Variants in USP35 observed in about 807,000 individuals in gnomAD.
USP35 encodes the protein ubiquitin carboxyl-terminal hydrolase 35.
In USP35, 69 loss-of-function variants were observed where a neutral mutation model predicts 83.8. That is an observed-to-expected ratio of 0.82 (90% CI 0.68 to 1.01). The LOEUF is 1.01. Ranked by LOEUF, USP35 falls within the 50% of genes least tolerant of loss-of-function variation. The pLI, the probability that USP35 is intolerant of heterozygous loss-of-function variation, is 0.00. For missense variants in USP35, 1,503 were observed against 1,362.5 expected, an observed-to-expected ratio of 1.10 and a Z score of -1.62; for synonymous variants, 714 against 589.5, an observed-to-expected ratio of 1.21 and a Z score of -3.06.
the USP35 span, among the ~76,000 whole-genome samples, chr11:78,236,850 G>A: frequency 6.6e-5 from 10 of 151,772 alleles, no homozygotes; most frequent in African/African-American, 2.4e-4. Flanking sequence ...TACCCCTAAT[G>A]TATACACACA....
In USP35 at chr11:78,204,235, T is replaced by A. The variant is rs143228912; in HGVS notation, c.1198-1607T>A. Among the ~76,000 whole-genome samples, 1,203 of 152,346 alleles carry A rather than the reference T, an allele frequency of 7.9e-3. 13 individuals are homozygous for A. The highest frequency in any genetic ancestry group is 0.027 in the African/African-American group (1,137 of 41,546). On this transcript the variant is annotated intron_variant, in intron 6 of 10. Transcript: ENST00000529308. Reference sequence around the variant, plus strand: ...AAAAGATGGCTTCACATTTGTTCTGTGGCTTCGAACACTCCTGGTACAAGC... The same window carrying A: ...AAAAGATGGCTTCACATTTGTTCTGAGGCTTCGAACACTCCTGGTACAAGC...
rs1396850309 is a variant in USP35, at chr11:78,213,849, G to A, written c.*36G>A. The A allele has an allele frequency of 6.5e-7, 1 of 1,532,068 alleles. No homozygotes were observed. The highest frequency in any genetic ancestry group is 8.7e-7 in the Non-Finnish European group (1 of 1,150,826). 94.9% of individuals were successfully genotyped at this position (1,532,068 alleles called of 1,614,324 possible). On this transcript the variant is annotated 3_prime_UTR_variant, in exon 11 of 11. Coordinates refer to ENST00000529308, the MANE Select transcript of USP35 (RefSeq NM_020798.4). ...CTGCCAACCTGACCCCTTCCCTCCA[G>A]GAGCCAGGTAGGGCCTGAGGGAAGC...
the USP35 span, among the ~76,000 whole-genome samples, chr11:78,222,742 T>C: frequency 6.6e-6 from 1 of 151,782 alleles, no homozygotes; most frequent in Non-Finnish European, 1.5e-5. Context: ...GCCACCACGC[T>C]TAGCTAATTT....
rs759175250 is a variant in USP35, at chr11:78,209,508, G to A, written c.1653G>A (p.Ser551=). ...GCCAGAAACTCAAGCAGTCCAGCTCGCCCTCTCCGCCCGAGGAGCCCCCGG... is the reference window on the plus strand; with the variant it reads ...GCCAGAAACTCAAGCAGTCCAGCTCACCCTCTCCGCCCGAGGAGCCCCCGG... ...RICQKLKQSS[S]PSPPEEPPAP... The change falls in exon 10 of 11, where the codon TCG becomes TCA. Residue 551 remains serine, a synonymous_variant. Transcript: ENST00000529308. 1.3e-5 allele frequency: 21 copies of A among 1,613,864 alleles called. No individual in the cohort carries two copies. The highest frequency in any genetic ancestry group is 4.5e-5 in the East Asian group (2 of 44,892).
At chr11:78,227,986 T>G in the USP35 span, among the ~76,000 whole-genome samples, 2 of 152,156 alleles carry the variant, frequency 1.3e-5, no homozygotes, top group Admixed American at 6.5e-5. Flanking sequence ...AAAGTTTTGA[T>G]TAGTACATTT....
At chr11:78,198,186 T>TCTGA in intron 3 of USP35, 118 bp downstream of exon 3, 4 of 1,442,770 alleles carry the variant, frequency 2.8e-6, no homozygotes, top group Non-Finnish European at 2.8e-6. Flanking sequence ...GCCCAGGCCC[T>TCTGA]CATGTGTGTT....
chr11:78,201,683 G>A (rs1022408005), intron 6 of USP35, among the ~76,000 whole-genome samples: 3 of 152,168 alleles, frequency 2.0e-5, no homozygotes, highest in African/African-American at 7.2e-5. Flanking sequence ...TTATTTTCCT[G>A]TATGTTTTGT....
At chr11:78,226,010 C>T in the USP35 span, among the ~76,000 whole-genome samples, 1 of 152,188 alleles carries the variant, frequency 6.6e-6, no homozygotes, top group African/African-American at 2.4e-5. Flanking sequence ...TTGACTTCAA[C>T]CAAAGAGATT....
intron 9 of USP35, 29 bp downstream of exon 9, chr11:78,208,992 C>A (rs1385454648): frequency 6.2e-7 from 1 of 1,608,492 alleles, no homozygotes; most frequent in Non-Finnish European, 8.5e-7. Context: ...CGCGAAGACT[C>A]CAGGTCTAGA....
chr11:78,223,494 G>T, the USP35 span: 1 of 1,610,212 alleles, frequency 6.2e-7, no homozygotes, highest in Non-Finnish European at 8.5e-7. Context: ...GCACAGGAAG[G>T]GTTGTTGATG....
In USP35 at chr11:78,196,590, T is replaced by G; in HGVS notation, c.345T>G (p.Pro115=). The G allele has an allele frequency of 8.0e-7, 1 of 1,254,460 alleles. No homozygotes were observed. The highest frequency in any genetic ancestry group is 1.0e-6 in the Non-Finnish European group (1 of 998,848). The allele number at this position is 1,254,460 out of a possible 1,614,324, so 77.7% of individuals were successfully genotyped here. The part of the protein sequence containing the change: ...QLGLQLLPEG[P]AADEVFALLR... ...GTCTGCAGCTGCTGCCCGAGGGGCC[T>G]GCGGCCGACGAGGTGTTCGCGCTGC... The change falls in exon 2 of 11, where the codon CCT becomes CCG. Residue 115 remains proline, a synonymous_variant. Coordinates refer to ENST00000529308, the MANE Select transcript of USP35 (RefSeq NM_020798.4). The surrounding 1 kb of genome is among the most constrained non-coding windows in gnomAD (Gnocchi z 4.8).
At position 78,207,588 on chromosome 11, in the gene USP35, C is replaced by G. The variant is rs775024808; in HGVS notation, c.1450C>G (p.Leu484Val). 1.2e-6 allele frequency: 2 copies of G among 1,614,180 alleles called. No homozygotes were observed. Among genetic ancestry groups the G allele is most frequent in the South Asian group, 2.2e-5 (2 of 91,088 alleles). The change falls in exon 8 of 11, where the codon CTG (leucine) becomes GTG (valine). Residue 484 changes from leucine (L) to valine (V), a missense_variant. Coordinates refer to ENST00000529308, the MANE Select transcript of USP35 (RefSeq NM_020798.4). ...ENNSQPLMTK[L>V]QWLFGFLEHS... The stretch of plus-strand genomic sequence containing the variant: ...CAACTCACAGCCCCTGATGACCAAG[C>G]TGCAGTGGCTCTTTGGCTTCCTAGA...
chr11:78,203,420 C>G (rs1001083022), intron 6 of USP35, among the ~76,000 whole-genome samples: 9 of 152,144 alleles, frequency 5.9e-5, no homozygotes, highest in African/African-American at 2.2e-4. Context: ...TCGGCTAGAT[C>G]TGGGCTTCTC....
Position 78,214,166 on chromosome 11 carries a change from C to T in USP35, c.*353C>T. ...CTAGACCTCAGCTCCAATGTTTTGA[C>T]ATCAAGTACTATTTTCCTTCCGACT... On this transcript the variant is annotated 3_prime_UTR_variant, in exon 11 of 11. Transcript: ENST00000529308. 1 of 197,314 alleles carries T rather than the reference C, an allele frequency of 5.1e-6. No homozygotes were observed. Among genetic ancestry groups the T allele is most frequent in the Non-Finnish European group, 1.0e-5 (1 of 98,832 alleles). 12.2% of individuals were successfully genotyped at this position (197,314 alleles called of 1,614,324 possible).
At chr11:78,227,690 C>T in the USP35 span, among the ~76,000 whole-genome samples, 1 of 149,492 alleles carries the variant, frequency 6.7e-6, no homozygotes, top group Non-Finnish European at 1.5e-5. Context: ...GTCCTAGCTT[C>T]TGGTGAGGCT....
intron 2 of USP35, 118 bp downstream of exon 2, chr11:78,197,036 G>C: frequency 2.2e-6 from 3 of 1,364,910 alleles, no homozygotes; most frequent in Non-Finnish European, 2.8e-6. Context: ...GAGTGTGCCA[G>C]GCGGCGAATG....
the USP35 span, chr11:78,221,975 G>C: frequency 2.3e-5 from 17 of 725,732 alleles, no homozygotes; most frequent in African/African-American, 8.7e-5. Context: ...ACAAGACATC[G>C]AGACATGATC....
At position 78,196,202 on chromosome 11, in the gene USP35, G is replaced by A. The variant is rs924526390; in HGVS notation, c.-10-34G>A. 1.2e-5 allele frequency: 19 copies of A among 1,548,610 alleles called. No homozygotes were observed. The East Asian group carries it at 4.7e-4, about 38-fold the overall frequency. On this transcript the variant is annotated intron_variant, in intron 1 of 10. Coordinates refer to ENST00000529308, the MANE Select transcript of USP35 (RefSeq NM_020798.4). This position sits in a 1 kb window ranked among gnomAD's most constrained non-coding sequence, Gnocchi z 4.8. ...CCGGGAACTCTTGAGCCCCGCGGTTGTCGGGCTGTGACCTCATTCCCTGTC... is the reference window on the plus strand; with the variant it reads ...CCGGGAACTCTTGAGCCCCGCGGTTATCGGGCTGTGACCTCATTCCCTGTC...
rs769729192 is a variant in USP35 at position 78,209,566 on chromosome 11, G to A, written c.1711G>A (p.Gly571Arg). ...TTCAACCTCTGTGGAAAAAATGTTT[G>A]GAGGCAAGATAGTGACTCGGATCTG... Reference protein sequence around the residue: ...PSSTSVEKMFGGKIVTRICCL... With the variant: ...PSSTSVEKMFRGKIVTRICCL... Residue 571 changes from glycine (G) to arginine (R), a missense_variant, in exon 10 of 11, where the codon GGA becomes AGA. By Grantham distance (125) the Gly-to-Arg change is moderately radical. Coordinates refer to ENST00000529308, the MANE Select transcript of USP35 (RefSeq NM_020798.4). 1 of 1,614,020 alleles carries A rather than the reference G, an allele frequency of 6.2e-7. No individual in the cohort carries two copies. Among genetic ancestry groups the A allele is most frequent in the African/African-American group, 1.3e-5 (1 of 74,904 alleles).
Sources: allele counts gnomAD v4.1 joint callset (sites outside exome capture counted in the v4.1 genomes callset), GRCh38; gene constraint gnomAD v4.1.1; non-coding constraint Gnocchi (gnomAD v3.1); transcripts MANE v1.5; gene names NCBI Gene and HGNC (gene_info 2026-07-23, HGNC 2026-07-21).